Variants in MACROD2 observed in about 807,000 individuals in gnomAD.
MACROD2 encodes mono-ADP ribosylhydrolase 2, also known as ADP-ribose glycohydrolase MACROD2.
Under a neutral mutation model 70.4 loss-of-function variants are expected in MACROD2, and 36 were observed. That is an observed-to-expected ratio of 0.51 (90% CI 0.39 to 0.68). The LOEUF is 0.68. Ranked by LOEUF, MACROD2 falls within the 30% of genes least tolerant of loss-of-function variation. The pLI, the probability that MACROD2 is intolerant of heterozygous loss-of-function variation, is 0.00. For synonymous variants in MACROD2, 172 were observed against 178.8 expected (o/e 0.96, Z 0.30); for missense variants, 496 against 538.4 (o/e 0.92, Z 0.78).
intron 8 of MACROD2, among the ~76,000 whole-genome samples, chr20:15,824,801 C>T (rs2063979025): frequency 6.6e-6 from 1 of 152,146 alleles, no homozygotes. Flanking sequence ...TTGGCCAGGG[C>T]CTGTGTGAGG....
intron 5 of MACROD2, among the ~76,000 whole-genome samples, chr20:15,056,367 C>T (rs1372094508): frequency 8.1e-6 from 1 of 122,752 alleles, no homozygotes; most frequent in African/African-American, 5.3e-5. Context: ...ACATGCCTTG[C>T]CCCAAGCACT....
chr20:15,944,391 G>C (rs1233926291), intron 12 of MACROD2, among the ~76,000 whole-genome samples: 1 of 152,054 alleles, frequency 6.6e-6, no homozygotes, highest in Non-Finnish European at 1.5e-5. Flanking sequence ...GTTTTTCTAG[G>C]CAACCTCATA....
chr20:15,507,381 T>TTCC (rs2047440000), intron 8 of MACROD2, among the ~76,000 whole-genome samples: 1 of 83,016 alleles, frequency 1.2e-5, no homozygotes, highest in African/African-American at 4.5e-5. Context: ...TTCTCCTTCC[T>TTCC]TCCCTCCCTC....
chr20:14,897,707 G>T (rs1341444933), intron 5 of MACROD2, among the ~76,000 whole-genome samples: 1 of 152,118 alleles, frequency 6.6e-6, no homozygotes, highest in Non-Finnish European at 1.5e-5. Context: ...GTTCCATAAA[G>T]TTTCAAGCTG....
At chr20:15,535,714 C>G (rs953603320) in intron 8 of MACROD2, among the ~76,000 whole-genome samples, 16 of 152,118 alleles carry the variant, frequency 1.1e-4, no homozygotes, top group African/African-American at 3.9e-4. Context: ...ACTTTCCAAT[C>G]CCGCGTCTCC....
intron 5 of MACROD2, among the ~76,000 whole-genome samples, chr20:14,712,869 C>T (rs2071354197): frequency 6.6e-6 from 1 of 152,086 alleles, no homozygotes; most frequent in South Asian, 2.1e-4. Flanking sequence ...GGTAGAAGTT[C>T]TTACCCTTCC....
intron 5 of MACROD2, among the ~76,000 whole-genome samples, chr20:14,955,254 A>AATATAATATAATTTTTATTATATATAGT (rs2074524604): frequency 7.2e-6 from 1 of 137,962 alleles, no homozygotes; most frequent in Non-Finnish European, 1.5e-5. Context: ...TATAATTTAT[A>AATATAATATAATTTTTATTATATATAGT]TAATATAATA....
chr20:15,299,843 A>G (rs1444185090), intron 6 of MACROD2, among the ~76,000 whole-genome samples: 1 of 152,228 alleles, frequency 6.6e-6, no homozygotes, highest in East Asian at 1.9e-4. Context: ...CCTGGGGTCT[A>G]CTTGAATGAG....
rs147587248 is a variant in MACROD2 at position 14,697,978 on chromosome 20, C to T, written c.418+13019C>T. Among the ~76,000 whole-genome samples the T allele has an allele frequency of 3.3e-5, 5 of 152,306 alleles. No individual in the cohort carries two copies. The East Asian group carries it at 9.6e-4, about 29-fold the overall frequency. ...CTACATAGTAAGCAAATGGTTCATT[C>T]AGGCAGCAATCACTGATTTGCTCCC... On this transcript the variant is annotated intron_variant, in intron 5 of 17. Transcript: ENST00000684519.
At chr20:15,471,508 C>CA (rs960234626) in intron 7 of MACROD2, among the ~76,000 whole-genome samples, 14 of 151,894 alleles carry the variant, frequency 9.2e-5, no homozygotes, top group African/African-American at 1.5e-4. Context: ...ACACAGAACT[C>CA]AAAAAAAACT....
chr20:15,963,857 T>C (rs1367490650), intron 12 of MACROD2, among the ~76,000 whole-genome samples: 2 of 152,194 alleles, frequency 1.3e-5, no homozygotes, highest in Non-Finnish European at 2.9e-5. Flanking sequence ...TTTATGAAAG[T>C]GTTTCTTTTT....
At chr20:15,035,541 C>G (rs567549126) in intron 5 of MACROD2, among the ~76,000 whole-genome samples, 5 of 152,194 alleles carry the variant, frequency 3.3e-5, no homozygotes, top group Non-Finnish European at 7.4e-5. Context: ...AGCAACTCAC[C>G]CTTTCCCCAC....
At chr20:14,128,425 A>G (rs1211198133) in intron 3 of MACROD2, 1 of 153,068 alleles carries the variant, frequency 6.5e-6, no homozygotes, top group Non-Finnish European at 1.5e-5. Context: ...AATAATAACA[A>G]CAGCAAAGTT....
At chr20:14,964,196 A>C (rs1028866380) in intron 5 of MACROD2, among the ~76,000 whole-genome samples, 1 of 152,104 alleles carries the variant, frequency 6.6e-6, no homozygotes, top group African/African-American at 2.4e-5. Flanking sequence ...CTCCTTAAGT[A>C]TATTAGGATA....
intron 8 of MACROD2, among the ~76,000 whole-genome samples, chr20:15,829,133 C>G (rs2064028285): frequency 6.6e-6 from 1 of 151,824 alleles, no homozygotes; most frequent in South Asian, 2.1e-4. Context: ...TGAAGTTGAA[C>G]TGGTGTCAGA....
At position 15,168,793 on chromosome 20, in the gene MACROD2, G is replaced by A. The variant is rs569540841; in HGVS notation, c.419-61147G>A. Among the ~76,000 whole-genome samples, 4 of 152,162 alleles carry A rather than the reference G, an allele frequency of 2.6e-5. No homozygotes were observed. The South Asian group carries it at 6.2e-4, about 24-fold the overall frequency. On this transcript the variant is annotated intron_variant, in intron 5 of 17. Transcript: ENST00000684519. ...GCTTAGGAATTTGAGACCAGCCTAG[G>A]CAACATAGCAAGACTCCATCTCTTG...
intron 8 of MACROD2, among the ~76,000 whole-genome samples, chr20:15,574,387 T>G (rs1387320669): frequency 6.6e-6 from 1 of 152,186 alleles, no homozygotes; most frequent in East Asian, 1.9e-4. Context: ...CTTCCTCTCA[T>G]CTTATAAGAT....
rs569611845 is a variant in MACROD2, at chr20:15,874,534, G to A, written c.728-11230G>A. Among the ~76,000 whole-genome samples, 15 of 152,212 alleles carry A rather than the reference G, an allele frequency of 9.9e-5. No individual in the cohort carries two copies. In the East Asian group the frequency reaches 2.9e-3, roughly 29 times the overall value. On this transcript the variant is annotated intron_variant, in intron 9 of 17. Coordinates refer to ENST00000684519, the MANE Select transcript of MACROD2 (RefSeq NM_001351661.2). ...GAACTAATTTACACTCCCACCAACAGTGTAAAAGCGTTCCTATTTCTCCAC... is the reference window on the plus strand; with the variant it reads ...GAACTAATTTACACTCCCACCAACAATGTAAAAGCGTTCCTATTTCTCCAC...
chr20:14,567,370 A>G (rs865819593), intron 4 of MACROD2, among the ~76,000 whole-genome samples: 1 of 152,054 alleles, frequency 6.6e-6, no homozygotes, highest in South Asian at 2.1e-4. Flanking sequence ...CCAAATGTCA[A>G]TGATACAGTG....
Sources: gnomAD v4.1 joint callset for allele counts (sites outside exome capture counted in the v4.1 genomes callset) on GRCh38, gnomAD v4.1.1 for gene constraint, MANE v1.5 for transcripts, NCBI Gene and HGNC (gene_info 2026-07-23, HGNC 2026-07-21) for gene names.